Variants in HTR4 observed in about 807,000 individuals in gnomAD.
HTR4 encodes 5-hydroxytryptamine (serotonin) receptor 4, G protein-coupled.
In HTR4, 16 loss-of-function variants were observed where a neutral mutation model predicts 36.8. The observed-to-expected ratio is 0.43, with a 90% CI of 0.29 to 0.66. The LOEUF (loss-of-function observed/expected upper bound fraction) is 0.66. Among genes scored for constraint, HTR4 ranks in the 30% least tolerant of loss-of-function variants. The pLI, the probability that HTR4 is intolerant of heterozygous loss-of-function variation, is 0.13. For synonymous variants in HTR4, 189 were observed against 185.1 expected, an observed-to-expected ratio of 1.02 and a Z score of -0.17; for missense variants, 438 against 490.9, an observed-to-expected ratio of 0.89 and a Z score of 1.02.
intron 1 of HTR4, among the ~76,000 whole-genome samples, chr5:148,642,078 T>C (rs1753746473): frequency 2.6e-5 from 4 of 152,232 alleles, no homozygotes; most frequent in Admixed American, 2.6e-4. Flanking sequence ...ATAACTATGC[T>C]TGGATTGACC....
intron 6 of HTR4, among the ~76,000 whole-genome samples, chr5:148,503,830 C>T (rs367562056): frequency 6.6e-6 from 1 of 152,202 alleles, no homozygotes; most frequent in East Asian, 1.9e-4. Context: ...AAAAAAAAGG[C>T]AGGGCTTGCA....
At chr5:148,650,582 A>C (rs1158980187) in intron 1 of HTR4, among the ~76,000 whole-genome samples, 3 of 152,178 alleles carry the variant, frequency 2.0e-5, no homozygotes, top group African/African-American at 7.2e-5. Context: ...TTTTAAAAAA[A>C]ATGGTGACTT....
intron 2 of HTR4, among the ~76,000 whole-genome samples, chr5:148,601,451 A>G (rs1253076120): frequency 1.3e-5 from 2 of 152,158 alleles, no homozygotes; most frequent in Non-Finnish European, 2.9e-5. Flanking sequence ...ATGTCTATTA[A>G]TGGATGGATA....
intron 2 of HTR4, among the ~76,000 whole-genome samples, chr5:148,565,494 T>C (rs1378158293): frequency 6.6e-6 from 1 of 152,012 alleles, no homozygotes; most frequent in African/African-American, 2.4e-5. Flanking sequence ...GGAGTGGAGA[T>C]GGGGTTTAGA....
intron 2 of HTR4, among the ~76,000 whole-genome samples, chr5:148,571,811 T>C (rs1283815117): frequency 6.6e-6 from 1 of 152,108 alleles, no homozygotes; most frequent in Non-Finnish European, 1.5e-5. Flanking sequence ...ACTAGTTCCC[T>C]ATCAAGAAAA....
chr5:148,483,536 C>T (rs548937604), intron 6 of HTR4, among the ~76,000 whole-genome samples: 97 of 152,312 alleles, frequency 6.4e-4, no homozygotes, highest in African/African-American at 2.2e-3. Context: ...ACCTGATGGA[C>T]CTATTACGCC....
At chr5:148,530,922 G>C (rs182409463) in intron 4 of HTR4, among the ~76,000 whole-genome samples, 100 of 152,288 alleles carry the variant, frequency 6.6e-4, no homozygotes, top group African/African-American at 2.4e-3. Flanking sequence ...TAAGATTTTA[G>C]TGCCCCACTG....
At chr5:148,575,211 C>T (rs1453430754) in intron 2 of HTR4, among the ~76,000 whole-genome samples, 1 of 151,966 alleles carries the variant, frequency 6.6e-6, no homozygotes, top group Non-Finnish European at 1.5e-5. Flanking sequence ...GGTAAGCATC[C>T]CCTGATCAAT....
intron 6 of HTR4, among the ~76,000 whole-genome samples, chr5:148,489,699 GTA>G (rs1756326684): frequency 6.6e-6 from 1 of 152,172 alleles, no homozygotes; most frequent in Admixed American, 6.6e-5. Context: ...GACCAATCTT[GTA>G]TGTTTATTGC....
At chr5:148,558,159 G>A (rs1484656833) in intron 2 of HTR4, among the ~76,000 whole-genome samples, 5 of 151,908 alleles carry the variant, frequency 3.3e-5, no homozygotes, top group Admixed American at 2.6e-4. Flanking sequence ...AGAAAATAAT[G>A]TTTCATTTTC....
intron 5 of HTR4, among the ~76,000 whole-genome samples, chr5:148,515,629 G>A (rs1417705917): frequency 6.6e-6 from 1 of 152,082 alleles, no homozygotes; most frequent in Non-Finnish European, 1.5e-5. Context: ...TTTTCAACAT[G>A]TCATTCCATT....
chr5:148,530,175 A>T (rs544867286), intron 4 of HTR4, among the ~76,000 whole-genome samples: 3 of 152,254 alleles, frequency 2.0e-5, no homozygotes, highest in Non-Finnish European at 4.4e-5. Context: ...TTTTCTGAGG[A>T]GAAATTCAAG....
At chr5:148,460,789 T>A (rs535197727) in intron 5 of HTR4, among the ~76,000 whole-genome samples, 11 of 152,208 alleles carry the variant, frequency 7.2e-5, no homozygotes, top group Admixed American at 5.9e-4. Flanking sequence ...AGATAACAGA[T>A]TGTTCAAAAT....
At chr5:148,451,054 T>A in exon 6 of HTR4, 2 of 1,487,834 alleles carry the variant, frequency 1.3e-6, no homozygotes, top group East Asian at 4.6e-5. Flanking sequence ...TCCATGTACC[T>A]CCTCTGGGCT....
chr5:148,603,535 G>A (rs936666741), intron 2 of HTR4, among the ~76,000 whole-genome samples: 3 of 151,998 alleles, frequency 2.0e-5, no homozygotes, highest in Admixed American at 6.6e-5. Context: ...TAGCCAGTAT[G>A]ATGAGGTAAG....
intron 2 of HTR4, among the ~76,000 whole-genome samples, chr5:148,622,313 T>C (rs1752945194): frequency 6.6e-6 from 1 of 152,242 alleles, no homozygotes; most frequent in South Asian, 2.1e-4. Context: ...CTTTGTGGAC[T>C]AATCTTTCCT....
At chr5:148,639,527 A>T (rs1753658674) in intron 1 of HTR4, among the ~76,000 whole-genome samples, 2 of 151,200 alleles carry the variant, frequency 1.3e-5, no homozygotes, top group Non-Finnish European at 2.9e-5. Flanking sequence ...ACTTCCTCAG[A>T]CAGGTCTTCT....
intron 5 of HTR4, among the ~76,000 whole-genome samples, chr5:148,470,851 G>C (rs1421802423): frequency 6.6e-6 from 1 of 152,016 alleles, no homozygotes; most frequent in African/African-American, 2.4e-5. Flanking sequence ...ACCATGACCA[G>C]CTAATTTTTG....
At chr5:148,573,539 C>G (rs1316465111) in intron 2 of HTR4, among the ~76,000 whole-genome samples, 2 of 151,934 alleles carry the variant, frequency 1.3e-5, no homozygotes, top group African/African-American at 4.8e-5. Context: ...AATGTTCCAG[C>G]CTGGAAGTGA....
Sources: gnomAD v4.1 joint callset for allele counts (sites outside exome capture counted in the v4.1 genomes callset) on GRCh38, gnomAD v4.1.1 for gene constraint, MANE v1.5 for transcripts, NCBI Gene and HGNC (gene_info 2026-07-23, HGNC 2026-07-21) for gene names.